Variants in GBP2 observed in about 807,000 individuals in gnomAD.
The protein encoded by GBP2 is guanylate-binding protein 2.
In GBP2, 54 loss-of-function variants were observed where a neutral mutation model predicts 60.8. That is an observed-to-expected ratio of 0.89 (90% confidence interval 0.71 to 1.11). GBP2 has a LOEUF of 1.11. Ranked by LOEUF, GBP2 falls within the 50% of genes most tolerant of loss-of-function variation. The pLI is 0.00. For synonymous variants in GBP2, 243 were observed against 256.5 expected, an observed-to-expected ratio of 0.95 and a Z score of 0.50; for missense variants, 665 against 703.3, an observed-to-expected ratio of 0.95 and a Z score of 0.62.
chr1:89,110,033 G>GA, intron 9 of GBP2, 131 bp downstream of exon 9: 1 of 942,112 alleles, frequency 1.1e-6, no homozygotes, highest in South Asian at 1.7e-5. Context: ...GATTAGTTAA[G>GA]AAAACTCTCA....
At chr1:89,123,691 T>C (rs1490830706) in intron 1 of GBP2, among the ~76,000 whole-genome samples, 1 of 152,234 alleles carries the variant, frequency 6.6e-6, no homozygotes, top group Non-Finnish European at 1.5e-5. Context: ...CTCTTTGGTG[T>C]AGTTAAATTA....
Position 89,107,098 on chromosome 1 carries a change from C to A in GBP2, c.*1077G>T, listed in dbSNP as rs1013905619. ...ATTACTTTTTACTTAAATTGCTGAG[C>A]AGATTGTTATTTGCCATGAAGAACT... On this transcript the variant is annotated 3_prime_UTR_variant, in exon 11 of 11. Transcript: ENST00000370466. 2 of 152,098 alleles carry A rather than the reference C, an allele frequency of 1.3e-5. No homozygotes were observed. The highest frequency in any genetic ancestry group is 1.3e-4 in the Admixed American group (2 of 15,280). 9.4% of individuals were successfully genotyped at this position (152,098 alleles called of 1,614,324 possible). A position where few individuals can be genotyped will look rare whatever the true frequency, so the allele number is the denominator to read the frequency against.
chr1:89,108,737 C>G lies in GBP2; in HGVS notation c.1660-446G>C, dbSNP rs550437970. On this transcript the variant is annotated intron_variant, in intron 10 of 10. Coordinates refer to ENST00000370466, the MANE Select transcript of GBP2 (RefSeq NM_004120.5). ...GAATTTAGTACAGGTCTCCAAAATT[C>G]GGAGGTAACAGAAATAAATTGAGGA... Among the ~76,000 whole-genome samples the G allele has an allele frequency of 7.0e-3, 1,069 of 152,096 alleles. 13 individuals carry two copies. Among genetic ancestry groups the G allele is most frequent in the African/African-American group, 0.025 (1,017 of 41,456 alleles).
intron 8 of GBP2, among the ~76,000 whole-genome samples, chr1:89,112,166 A>G (rs1033048663): frequency 8.6e-5 from 13 of 151,994 alleles, no homozygotes; most frequent in Non-Finnish European, 4.4e-5. Context: ...TTTTTTTTTA[A>G]CTGCCGTATC....
At chr1:89,115,816 G>T (rs902419570) in intron 6 of GBP2, among the ~76,000 whole-genome samples, 2 of 152,054 alleles carry the variant, frequency 1.3e-5, no homozygotes, top group Non-Finnish European at 1.5e-5. Context: ...TCCCAGGCTG[G>T]TCTTAAACTT....
chr1:89,107,379 G>A lies in GBP2; in HGVS notation c.*796C>T, dbSNP rs1481274759. Among the ~76,000 whole-genome samples, 1 of 152,168 alleles carries A rather than the reference G, an allele frequency of 6.6e-6. No individual in the cohort carries two copies. Among genetic ancestry groups the A allele is most frequent in the Admixed American group, 6.5e-5 (1 of 15,272 alleles). ...AGTTAAAGCTTTCCTTTCTGTGATT[G>A]TAGAAGTTATTTTCTAAACTTCAGG... On this transcript the variant is annotated 3_prime_UTR_variant, in exon 11 of 11. Coordinates refer to ENST00000370466, the MANE Select transcript of GBP2 (RefSeq NM_004120.5).
chr1:89,121,390 C>G (rs1681394789), intron 2 of GBP2, 120 bp from the exon 3 acceptor site: 1 of 853,608 alleles, frequency 1.2e-6, no homozygotes. Context: ...TGGCATAAAT[C>G]TTAATTACAA....
rs1338926044 is a variant in GBP2, at chr1:89,117,727, C to T, written c.475G>A (p.Gly159Ser). 1.2e-6 allele frequency: 2 copies of T among 1,613,852 alleles called. No individual in the cohort carries two copies. Among genetic ancestry groups the T allele is most frequent in the South Asian group, 1.1e-5 (1 of 91,084 alleles). ...TDRIKANSSP[G>S]NNSVDDSADF... is the part of the protein sequence containing the mutation. The stretch of plus-strand genomic sequence containing the variant: ...GCTGAGTCGTCTACAGAATTGTTAC[C>T]AGGTGAGGAGTTTGCCTTGATTCGA... The change falls in exon 5 of 11, where the codon GGT (glycine) becomes AGT (serine). Residue 159 changes from glycine to serine, a missense_variant. Physicochemically the swap from Gly to Ser is moderately conservative, Grantham distance 56. Transcript: ENST00000370466.
intron 3 of GBP2, among the ~76,000 whole-genome samples, 169 bp downstream of exon 3, chr1:89,120,974 C>T (rs370959492): frequency 6.6e-6 from 1 of 152,090 alleles, no homozygotes; most frequent in African/African-American, 2.4e-5. Context: ...ATTGTGTACT[C>T]TGAATGCTTA....
At chr1:89,117,510 C>A in intron 5 of GBP2, 67 bp downstream of exon 5, 1 of 1,357,074 alleles carries the variant, frequency 7.4e-7, no homozygotes, top group South Asian at 1.3e-5. Flanking sequence ...TAGCACTGCA[C>A]AGAAATGGTT....
chr1:89,108,229 T>C lies in GBP2; in HGVS notation c.1722A>G (p.Ile574Met). Residue 574 changes from isoleucine (I) to methionine (M), a missense_variant, in exon 11 of 11, where the codon ATA becomes ATG. Coordinates refer to ENST00000370466, the MANE Select transcript of GBP2 (RefSeq NM_004120.5). ...ATTTGCTTCTCATCTGGATATCCCA[T>C]ATGTCTTTTTGAAGTCTCTTGCTCT... ...ENESKRLQKD[I>M]WDIQMRSKSL... The C allele has an allele frequency of 6.2e-7, 1 of 1,613,548 alleles. No individual in the cohort carries two copies. The highest frequency in any genetic ancestry group is 8.5e-7 in the Non-Finnish European group (1 of 1,179,670).
intron 7 of GBP2, among the ~76,000 whole-genome samples, chr1:89,113,420 G>A (rs1254993380): frequency 6.6e-6 from 1 of 152,076 alleles, no homozygotes; most frequent in Non-Finnish European, 1.5e-5. Flanking sequence ...TGCTGACATC[G>A]GCTATCTAGC....
rs371578831 is a variant in GBP2, at chr1:89,121,686, T to C, written c.190+91A>G. Reference sequence around the variant, plus strand: ...ACTGAAAGTTAGCTTTCAACATTCATTCTCATCTCTTTCTATGCTCACATC... The same window carrying C: ...ACTGAAAGTTAGCTTTCAACATTCACTCTCATCTCTTTCTATGCTCACATC... On this transcript the variant is annotated intron_variant, in intron 2 of 10. Transcript: ENST00000370466. The C allele has an allele frequency of 2.3e-5, 31 of 1,353,662 alleles. 1 individual carries two copies. The highest frequency in any genetic ancestry group is 1.7e-4 in the African/African-American group (12 of 68,698). The allele number at this position is 1,353,662 out of a possible 1,614,324, so 83.9% of individuals were successfully genotyped here. A position where few individuals can be genotyped will look rare whatever the true frequency, so the allele number is the denominator to read the frequency against.
chr1:89,113,922 A>G, intron 7 of GBP2, 94 bp downstream of exon 7: 2 of 1,356,974 alleles, frequency 1.5e-6, no homozygotes, highest in African/African-American at 1.4e-5. Flanking sequence ...TGTACACATA[A>G]CTGAGTGTAA....
At chr1:89,124,645 A>T (rs1383559768) in intron 1 of GBP2, among the ~76,000 whole-genome samples, 1 of 152,126 alleles carries the variant, frequency 6.6e-6, no homozygotes, top group Admixed American at 6.5e-5. Flanking sequence ...AGACTGTGGG[A>T]CTCAGGTTAC....
In GBP2 at chr1:89,123,034, T is replaced by C. The variant is rs140642803; in HGVS notation, c.-17-1051A>G. 1.2e-3 allele frequency among the ~76,000 whole-genome samples: 180 copies of C among 152,308 alleles called. 1 individual carries two copies. The Middle Eastern group carries it at 0.027, about 23-fold the overall frequency. Reference sequence around the variant, plus strand: ...GGTAACACTTTACTATCACTATTTATCTCATTGCTCAACTCGTCCCAGATT... The same window carrying C: ...GGTAACACTTTACTATCACTATTTACCTCATTGCTCAACTCGTCCCAGATT... On this transcript the variant is annotated intron_variant, in intron 1 of 10. Coordinates refer to ENST00000370466, the MANE Select transcript of GBP2 (RefSeq NM_004120.5).
At chr1:89,121,754 A>G (rs762761345) in intron 2 of GBP2, 23 bp downstream of exon 2, 3 of 1,610,992 alleles carry the variant, frequency 1.9e-6, no homozygotes, top group South Asian at 1.1e-5. Context: ...GAAGGGGCTT[A>G]GAGCTTTGCT....
At chr1:89,109,994 T>C (rs2026043) in intron 9 of GBP2, 124 bp from the exon 10 acceptor site, 713,549 of 1,077,686 alleles carry the variant, frequency 0.66, 237,392 homozygotes, top group East Asian at 0.78. Flanking sequence ...AATTTTGCCT[T>C]GGGTAACCAG....
rs1344665813 is a variant in GBP2, at chr1:89,120,293, A to G, written c.319-5T>C. The G allele has an allele frequency of 6.2e-7, 1 of 1,606,830 alleles. No individual in the cohort carries two copies. Among genetic ancestry groups the G allele is most frequent in the Admixed American group, 1.7e-5 (1 of 59,984 alleles). ...GGAGTCATTCTCATTGTCACCCTGT[A>G]AGTCATTGTAGAAGCCACAAAGAAG... On this transcript the variant is annotated splice_region_variant and splice_polypyrimidine_tract_variant and intron_variant, in intron 3 of 10. Coordinates refer to ENST00000370466, the MANE Select transcript of GBP2 (RefSeq NM_004120.5).
Sources: allele counts gnomAD v4.1 joint callset (sites outside exome capture counted in the v4.1 genomes callset), GRCh38; gene constraint gnomAD v4.1.1; transcripts MANE v1.5; gene names NCBI Gene and HGNC (gene_info 2026-07-23, HGNC 2026-07-21).